The following ELN variants were observed in gnomAD, a reference collection of about 807,000 sequenced individuals.
ELN encodes elastin, also known as tropoelastin.
Under a neutral mutation model 105.8 loss-of-function variants are expected in ELN, and 65 were observed. The ratio of observed to expected loss-of-function variants is 0.61; its 90% CI spans 0.50 to 0.75. The LOEUF is 0.75. Among genes scored for constraint, ELN ranks in the 30% least tolerant of loss-of-function variants. ELN has a pLI of 0.00. For missense variants in ELN, 882 were observed against 969.4 expected (o/e 0.91, Z 1.20); for synonymous variants, 368 against 389.2 (o/e 0.95, Z 0.64).
chr7:74,066,065 A>G, intron 31 of ELN, 68 bp downstream of exon 31: 2 of 1,607,154 alleles, frequency 1.2e-6, no homozygotes, highest in Admixed American at 1.7e-5. Context: ...CTGTCCATCT[A>G]GCAGTGGGGA....
Position 74,056,422 on chromosome 7 carries a change from A to G in ELN, c.1302A>G (p.Gly434=). ...GGVPGVGGVP[G]VGISPEAQAA... ...TTCCCGGAGTCGGAGGTGTCCCGGG[A>G]GTTGGCATTTCCCGTGAGCCTTAGT... is the stretch of plus-strand genomic sequence containing the variant. Residue 434 remains glycine, a synonymous_variant, in exon 20 of 33, where the codon GGA becomes GGG. Coordinates refer to ENST00000252034, the MANE Select transcript of ELN (RefSeq NM_000501.4). The G allele has an allele frequency of 6.2e-7, 1 of 1,613,362 alleles. No individual in the cohort carries two copies. Among genetic ancestry groups the G allele is most frequent in the East Asian group, 2.2e-5 (1 of 44,840 alleles).
In ELN at chr7:74,043,155, T is replaced by G. The variant is rs782230185; in HGVS notation, c.414T>G (p.Pro138=). 6.2e-7 allele frequency: 1 copy of G among 1,604,590 alleles called. No individual in the cohort carries two copies. The highest frequency in any genetic ancestry group is 8.5e-7 in the Non-Finnish European group (1 of 1,175,274). ...VVPQPGAGVK[P]GKVPGVGLPG... ...CTCAGCCTGGAGCCGGAGTGAAGCC[T>G]GGGAAAGTGCCGGGTCAGTGCGGAA... The change falls in exon 8 of 33, where the codon CCT becomes CCG. Residue 138 remains proline, a synonymous_variant. Coordinates refer to ENST00000252034, the MANE Select transcript of ELN (RefSeq NM_000501.4).
rs541685885 is a variant in ELN, at chr7:74,056,550, G to A, written c.1315+115G>A. 233 of 1,599,440 alleles carry A rather than the reference G, an allele frequency of 1.5e-4. 1 individual carries two copies. In the African/African-American group the frequency reaches 2.6e-3, roughly 18 times the overall value. The stretch of plus-strand genomic sequence containing the variant: ...ATCGGGCTTGAATGTGCTCAGGGAG[G>A]AGTTGGGGGAGAAGAAGGGAGGTCG... On this transcript the variant is annotated intron_variant, in intron 20 of 32. Transcript: ENST00000252034.
In ELN at chr7:74,053,295, G is replaced by A. The variant is rs863223525; in HGVS notation, c.1082G>A (p.Gly361Asp). 4.3e-6 allele frequency: 7 copies of A among 1,612,952 alleles called. No homozygotes were observed. The highest frequency in any genetic ancestry group is 1.7e-4 in the Middle Eastern group (1 of 5,970). Residue 361 changes from glycine (G) to aspartate (D), a missense_variant, in exon 18 of 33, where the codon GGT (glycine) becomes GAT (aspartate). Gly to Asp is a moderately conservative substitution (Grantham distance 94). Transcript: ENST00000252034. ...GTTGTCCCAGGTGCTGGGATCCCAGGTGCTGCGGTTCCAGGTGAGCTGGGC... is the reference window on the plus strand; with the variant it reads ...GTTGTCCCAGGTGCTGGGATCCCAGATGCTGCGGTTCCAGGTGAGCTGGGC... ...IPVVPGAGIP[G>D]AAVPGVVSPE...
At chr7:74,067,733 A>C (rs1329797315) in intron 32 of ELN, among the ~76,000 whole-genome samples, 2 of 149,372 alleles carry the variant, frequency 1.3e-5, no homozygotes, top group Non-Finnish European at 3.0e-5. Context: ...ACTGCACTCC[A>C]GCCTGGGCGG....
intron 26 of ELN, chr7:74,062,407 C>G (rs2132447291): frequency 6.6e-6 from 1 of 152,526 alleles, no homozygotes; most frequent in Middle Eastern, 3.4e-3. Context: ...TGCTTAACCT[C>G]TGCTCTGCCT....
intron 21 of ELN, among the ~76,000 whole-genome samples, chr7:74,057,022 G>C (rs1316349192): frequency 6.6e-6 from 1 of 152,108 alleles, no homozygotes; most frequent in Non-Finnish European, 1.5e-5. Flanking sequence ...TGGATCCCTT[G>C]AGGCCAGGAG....
At position 74,053,324 on chromosome 7, in the gene ELN, G is replaced by GTA; in HGVS notation, c.1096+16_1096+17insAT. The GTA allele has an allele frequency of 6.5e-6, 1 of 153,140 alleles. No homozygotes were observed. The highest frequency in any genetic ancestry group is 1.5e-4 in the Admixed American group (1 of 6,698). The allele number at this position is 153,140 out of a possible 1,614,324, so 9.5% of individuals were successfully genotyped here. ...TGCGGTTCCAGGTGAGCTGGGCTGT[G>GTA]TGTGTGTGTGTGTGTGTGTGTGTGT... On this transcript the variant is annotated intron_variant, in intron 18 of 32. Coordinates refer to ENST00000252034, the MANE Select transcript of ELN (RefSeq NM_000501.4).
At chr7:74,042,285 G>A (rs1016828525) in intron 5 of ELN, among the ~76,000 whole-genome samples, 6 of 151,380 alleles carry the variant, frequency 4.0e-5, no homozygotes, top group South Asian at 2.1e-4. Flanking sequence ...AAAATTTGCC[G>A]GGCACAGTGG....
intron 21 of ELN, 79 bp downstream of exon 21, chr7:74,056,792 C>G: frequency 1.3e-6 from 2 of 1,596,948 alleles, no homozygotes; most frequent in Non-Finnish European, 1.7e-6. Context: ...CAAACTGGCT[C>G]CCAGGCCTCC....
Position 74,043,588 on chromosome 7 carries a change from T to A in ELN, c.428-291T>A, listed in dbSNP as rs140603993. ...CAGGTTAAACAAAAGACTGCCTGAGTCTACGCAGCAGGGAGGGACATCTGG... is the reference window on the plus strand; with the variant it reads ...CAGGTTAAACAAAAGACTGCCTGAGACTACGCAGCAGGGAGGGACATCTGG... On this transcript the variant is annotated intron_variant, in intron 8 of 32. Coordinates refer to ENST00000252034, the MANE Select transcript of ELN (RefSeq NM_000501.4). The A allele has an allele frequency of 8.3e-4, 531 of 641,484 alleles. 1 individual carries two copies. Among genetic ancestry groups the A allele is most frequent in the African/African-American group, 8.3e-3 (460 of 55,648 alleles). 39.7% of individuals were successfully genotyped at this position (641,484 alleles called of 1,614,324 possible).
chr7:74,043,219 G>A, intron 8 of ELN, 51 bp downstream of exon 8: 1 of 1,555,822 alleles, frequency 6.4e-7, no homozygotes, highest in Non-Finnish European at 8.7e-7. Context: ...GAGGGGCAGA[G>A]GGCAGGGAGG....
intron 1 of ELN, among the ~76,000 whole-genome samples, chr7:74,031,562 A>G (rs2130962621): frequency 6.6e-6 from 1 of 152,144 alleles, no homozygotes; most frequent in East Asian, 1.9e-4. Context: ...GGCCAGAAGG[A>G]GCCTTGAGAA....
chr7:74,048,084 G>T (rs552951842), intron 13 of ELN, 58 bp from the exon 14 acceptor site: 8 of 1,605,452 alleles, frequency 5.0e-6, no homozygotes, highest in Middle Eastern at 1.7e-4. Context: ...CAGGGGGAGG[G>T]GGAGGGCAGC....
chr7:74,060,683 C>T, intron 25 of ELN, 182 bp downstream of exon 25: 1 of 1,486,142 alleles, frequency 6.7e-7, no homozygotes, highest in Non-Finnish European at 9.1e-7. Context: ...GGCCAAGGGA[C>T]CCCAGGCTGC....
rs782303154 is a variant in ELN, at chr7:74,052,017, C to T, written c.949+34C>T. On this transcript the variant is annotated intron_variant, in intron 17 of 32. Transcript: ENST00000252034. Reference sequence around the variant, plus strand: ...CTCCCGGGGTGGCAAGTCCACGGCTCGGGCCCCTGCATAGACCTCGGAGAC... The same window carrying T: ...CTCCCGGGGTGGCAAGTCCACGGCTTGGGCCCCTGCATAGACCTCGGAGAC... 6.2e-6 allele frequency: 10 copies of T among 1,611,412 alleles called. No homozygotes were observed. The Admixed American group carries it at 1.0e-4, about 16-fold the overall frequency.
chr7:74,030,454 T>C (rs1436762821), intron 1 of ELN, among the ~76,000 whole-genome samples: 1 of 136,120 alleles, frequency 7.3e-6, no homozygotes, highest in Non-Finnish European at 1.5e-5. Flanking sequence ...CCCCCAGAAA[T>C]AGTATCAGGG....
chr7:74,031,673 T>C (rs1487224147), intron 1 of ELN, among the ~76,000 whole-genome samples: 1 of 151,998 alleles, frequency 6.6e-6, no homozygotes, highest in African/African-American at 2.4e-5. Context: ...TCCTAGCACT[T>C]TGGGAGGCCC....
intron 21 of ELN, 41 bp from the exon 22 acceptor site, chr7:74,057,599 G>A (rs1554681078): frequency 6.2e-7 from 1 of 1,612,378 alleles, no homozygotes; most frequent in South Asian, 1.1e-5. Flanking sequence ...AGGGAGGGGT[G>A]TGAGAGATTA....
Sources: gnomAD v4.1 joint callset for allele counts (sites outside exome capture counted in the v4.1 genomes callset) on GRCh38, gnomAD v4.1.1 for gene constraint, MANE v1.5 for transcripts, NCBI Gene and HGNC (gene_info 2026-07-23, HGNC 2026-07-21) for gene names.